VEGFA: variants seen among roughly 807,000 people sequenced by gnomAD.
VEGFA encodes vascular endothelial growth factor A, long form.
VEGFA carries 20 observed loss-of-function variants against 49.7 expected under a neutral mutation model. The ratio of observed to expected loss-of-function variants is 0.40; its 90% CI spans 0.28 to 0.58. VEGFA has a LOEUF of 0.58. Among genes scored for constraint, VEGFA ranks in the 20% least tolerant of loss-of-function variants. The pLI is 0.40. For missense variants in VEGFA, 505 were observed against 553.5 expected (o/e 0.91, Z 0.88); for synonymous variants, 219 against 223.4 (o/e 0.98, Z 0.18).
chr6:43,774,284 G>T (rs1385326886), intron 1 of VEGFA, 57 bp from the exon 2 acceptor site: 5 of 1,587,840 alleles, frequency 3.1e-6, no homozygotes, highest in Non-Finnish European at 3.5e-6. Flanking sequence ...TGGGTGGCTG[G>T]GCCTGTGCAC....
chr6:43,771,383 A>AGCGC, intron 1 of VEGFA, 71 bp downstream of exon 1: 1 of 1,508,590 alleles, frequency 6.6e-7, no homozygotes, highest in Non-Finnish European at 8.9e-7. Context: ...CGTGCGTGCG[A>AGCGC]GCGCGCGCGT....
chr6:43,782,126 C>G, intron 7 of VEGFA, 39 bp downstream of exon 7: 1 of 1,610,500 alleles, frequency 6.2e-7, no homozygotes, highest in East Asian at 2.2e-5. Flanking sequence ...AGAGGGGCAT[C>G]ACACAGAGAT....
chr6:43,772,453 C>T (rs1763939312), intron 1 of VEGFA, among the ~76,000 whole-genome samples: 1 of 152,128 alleles, frequency 6.6e-6, no homozygotes, highest in African/African-American at 2.4e-5. Flanking sequence ...CTTTAGCTCT[C>T]GTGGGGGTGG....
chr6:43,772,312 A>G (rs1582469166), intron 1 of VEGFA, among the ~76,000 whole-genome samples: 2 of 152,290 alleles, frequency 1.3e-5, no homozygotes, highest in South Asian at 4.1e-4. Flanking sequence ...CCCAGAGTCC[A>G]GGGAAAGGAT....
intron 5 of VEGFA, chr6:43,780,482 G>A: frequency 1.8e-6 from 1 of 543,306 alleles, no homozygotes; most frequent in Admixed American, 2.9e-5. Context: ...CCTTGTCAGG[G>A]GCTGGGTTTG....
intron 1 of VEGFA, 47 bp downstream of exon 1, chr6:43,771,359 C>A: frequency 6.3e-7 from 1 of 1,579,808 alleles, no homozygotes; most frequent in South Asian, 1.1e-5. Flanking sequence ...GCGAGCGCCT[C>A]TCCCGGCTGG....
intron 6 of VEGFA, chr6:43,781,351 T>G: frequency 3.8e-6 from 1 of 260,102 alleles, no homozygotes; most frequent in Non-Finnish European, 7.5e-6. Flanking sequence ...AGGTGGGGCC[T>G]CTGGAGGGGA....
At chr6:43,781,861 G>T in intron 6 of VEGFA, 95 bp from the exon 7 acceptor site, 1 of 1,528,590 alleles carries the variant, frequency 6.5e-7, no homozygotes, top group South Asian at 1.1e-5. Context: ...TGGGGGTGCA[G>T]CTGCGGACAT....
chr6:43,785,245 G>A lies in VEGFA; in HGVS notation c.*683G>A, dbSNP rs1211266484. On this transcript the variant is annotated 3_prime_UTR_variant, in exon 8 of 8. Coordinates refer to ENST00000672860, the MANE Select transcript of VEGFA (RefSeq NM_003376.6). ...TGGGAACACCGACAAACCCAGCCCT[G>A]GCGCTGAGCCTCTCTACCCCAGGTC... is the stretch of plus-strand genomic sequence containing the variant. The A allele has an allele frequency of 6.4e-5, 13 of 201,810 alleles. No homozygotes were observed. The East Asian group carries it at 9.8e-4, about 15-fold the overall frequency. 12.5% of individuals were successfully genotyped at this position (201,810 alleles called of 1,614,324 possible).
intron 6 of VEGFA, chr6:43,781,195 G>A (rs1582522644): frequency 2.3e-6 from 1 of 432,434 alleles, no homozygotes; most frequent in East Asian, 4.9e-5. Context: ...AGGGTGGTGG[G>A]GAGGGCAGAC....
intron 1 of VEGFA, 152 bp from the exon 2 acceptor site, chr6:43,774,189 A>G: frequency 1.3e-6 from 1 of 765,604 alleles, no homozygotes; most frequent in South Asian, 1.5e-5. Flanking sequence ...GCCCGTGGGG[A>G]CCCCCGGTTG....
Position 43,771,555 on chromosome 6 carries a change from C to G in VEGFA, c.606+243C>G, listed in dbSNP as rs373327328. On this transcript the variant is annotated intron_variant, in intron 1 of 7. Transcript: ENST00000672860. ...CTGCCCACCCACCGGAGTCACCGCA[C>G]GTACGATCTGGGCCGACCAGCCGAG... is the stretch of plus-strand genomic sequence containing the variant. 1.1e-4 allele frequency among the ~76,000 whole-genome samples: 16 copies of G among 152,270 alleles called. No individual in the cohort carries two copies. In the East Asian group the frequency reaches 2.3e-3, roughly 22 times the overall value.
In VEGFA at chr6:43,777,671, C is replaced by G. The variant is rs747071248; in HGVS notation, c.855+6C>G. ...AGTCCAACATCACCATGCAGGTGGG[C>G]ATCTTTGGGAAGTGGGGCAAGGGGG... On this transcript the variant is annotated splice_donor_region_variant and intron_variant, in intron 3 of 7. Transcript: ENST00000672860. This position sits in a 1 kb window ranked among gnomAD's most constrained non-coding sequence, Gnocchi z 4.3. 1.3e-6 allele frequency: 2 copies of G among 1,562,062 alleles called. No homozygotes were observed. The highest frequency in any genetic ancestry group is 1.7e-6 in the Non-Finnish European group (2 of 1,147,864).
At chr6:43,771,883 C>T in intron 1 of VEGFA, 1 of 302,474 alleles carries the variant, frequency 3.3e-6, no homozygotes, top group Non-Finnish European at 4.9e-6. Context: ...CCCTGCTGGG[C>T]CACCTGCGCC....
In VEGFA at chr6:43,771,053, C is replaced by A; in HGVS notation, c.347C>A (p.Pro116Gln). 1 of 1,518,628 alleles carries A rather than the reference C, an allele frequency of 6.6e-7. No individual in the cohort carries two copies. Among genetic ancestry groups the A allele is most frequent in the Non-Finnish European group, 8.8e-7 (1 of 1,132,978 alleles). The allele number at this position is 1,518,628 out of a possible 1,614,324, so 94.1% of individuals were successfully genotyped here. ...CAGTGGCGACTCGGCGCTCGGAAGC[C>A]GGGCTCATGGACGGGTGAGGCGGCG... The change falls in exon 1 of 8, where the codon CCG (proline) becomes CAG (glutamine). Residue 116 changes from proline to glutamine, a missense_variant. Physicochemically the swap from Pro to Gln is moderately conservative, Grantham distance 76. This residue lies in a region of VEGFA where 340 missense variants were observed against 321.8 expected (regional missense o/e 1.06). Coordinates refer to ENST00000672860, the MANE Select transcript of VEGFA (RefSeq NM_003376.6).
Position 43,779,057 on chromosome 6 carries a change from C to A in VEGFA, c.962+139C>A, listed in dbSNP as rs987054705. The A allele has an allele frequency of 1.9e-5, 22 of 1,136,250 alleles. No homozygotes were observed. The African/African-American group carries it at 3.2e-4, about 17-fold the overall frequency. The allele number at this position is 1,136,250 out of a possible 1,614,324, so 70.4% of individuals were successfully genotyped here. A position where few individuals can be genotyped will look rare whatever the true frequency, so the allele number is the denominator to read the frequency against. On this transcript the variant is annotated intron_variant, in intron 5 of 7. Coordinates refer to ENST00000672860, the MANE Select transcript of VEGFA (RefSeq NM_003376.6). ...TCTTGTGGGGGACTTGTGGTGGCAG[C>A]AACAATGGGATGGAGCCAACTCCAG...
chr6:43,774,210 G>A (rs1039329003), intron 1 of VEGFA, 131 bp from the exon 2 acceptor site: 13 of 933,580 alleles, frequency 1.4e-5, no homozygotes, highest in Admixed American at 2.0e-5. Context: ...TGTCCTGTTC[G>A]ACTCAGAAGA....
rs926455673 is a variant in VEGFA at position 43,771,101 on chromosome 6, C to G, written c.395C>G (p.Ala132Gly). The change falls in exon 1 of 8, where the codon GCC becomes GGC. Residue 132 changes from alanine to glycine, a missense_variant. Ala to Gly is a moderately conservative substitution (Grantham distance 60, BLOSUM62 0). Around this residue, in one of 2 missense-constraint regions of VEGFA, gnomAD observed 340 missense variants for 321.8 expected, o/e 1.06. Coordinates refer to ENST00000672860, the MANE Select transcript of VEGFA (RefSeq NM_003376.6). ...GCGGTGTGCGCAGACAGTGCTCCAG[C>G]CGCGCGCGCTCCCCAGGCCCTGGCC... 2 of 1,468,408 alleles carry G rather than the reference C, an allele frequency of 1.4e-6. No homozygotes were observed. Among genetic ancestry groups the G allele is most frequent in the African/African-American group, 3.0e-5 (2 of 67,776 alleles). The allele number at this position is 1,468,408 out of a possible 1,614,324, so 91.0% of individuals were successfully genotyped here. A position where few individuals can be genotyped will look rare whatever the true frequency, so the allele number is the denominator to read the frequency against.
At chr6:43,781,895 T>G in intron 6 of VEGFA, 61 bp from the exon 7 acceptor site, 1 of 1,605,994 alleles carries the variant, frequency 6.2e-7, no homozygotes, top group Non-Finnish European at 8.5e-7. Context: ...GCATGGTGAT[T>G]TTTTTTCTCT....
Sources: allele counts gnomAD v4.1 joint callset (sites outside exome capture counted in the v4.1 genomes callset), GRCh38; gene constraint gnomAD v4.1.1; regional missense constraint gnomAD v4.1.1; non-coding constraint Gnocchi (gnomAD v3.1); transcripts MANE v1.5; gene names NCBI Gene and HGNC (gene_info 2026-07-23, HGNC 2026-07-21).